Variants in CFAP58 observed in about 807,000 individuals in gnomAD.
CFAP58 encodes the protein cilia- and flagella-associated protein 58.
Under a neutral mutation model 119.5 loss-of-function variants are expected in CFAP58, and 88 were observed. That is an observed-to-expected ratio of 0.74 (90% CI 0.62 to 0.88). The LOEUF is 0.88. Among genes scored for constraint, CFAP58 ranks in the 40% least tolerant of loss-of-function variants. The pLI, the probability that CFAP58 is intolerant of heterozygous loss-of-function variation, is 0.00. For missense variants in CFAP58, 990 were observed against 1,021.2 expected (o/e 0.97, Z 0.42); for synonymous variants, 365 against 366.3 (o/e 1.00, Z 0.04).
intron 6 of CFAP58, among the ~76,000 whole-genome samples, chr10:104,370,067 G>A (rs1374843627): frequency 6.6e-6 from 1 of 152,074 alleles, no homozygotes; most frequent in Non-Finnish European, 1.5e-5. Context: ...TGAGGAAGGA[G>A]GACCCCTTCT....
chr10:104,403,639 A>G, intron 13 of CFAP58, 90 bp from the exon 14 acceptor site: 1 of 735,742 alleles, frequency 1.4e-6, no homozygotes, highest in Non-Finnish European at 2.2e-6. Context: ...CTTTTTATAT[A>G]AGACATAGTG....
At chr10:104,400,563 T>A (rs1481498522) in intron 12 of CFAP58, 117 bp from the exon 13 acceptor site, 1 of 802,058 alleles carries the variant, frequency 1.2e-6, no homozygotes, top group Non-Finnish European at 2.1e-6. Flanking sequence ...GCCCAGCCCA[T>A]GTGGTGCCCA....
At chr10:104,438,858 C>T (rs747725387) in intron 15 of CFAP58, among the ~76,000 whole-genome samples, 64 of 152,084 alleles carry the variant, frequency 4.2e-4, no homozygotes, top group Admixed American at 1.0e-3. Context: ...TGGGAAATAA[C>T]CCAAATACCC....
chr10:104,437,165 C>T (rs773312262), intron 15 of CFAP58, among the ~76,000 whole-genome samples: 1 of 152,192 alleles, frequency 6.6e-6, no homozygotes, highest in African/African-American at 2.4e-5. Context: ...TAACAACAAT[C>T]AGCTCACAGG....
chr10:104,372,827 T>C (rs2014842191), intron 7 of CFAP58, among the ~76,000 whole-genome samples: 1 of 152,254 alleles, frequency 6.6e-6, no homozygotes, highest in South Asian at 2.1e-4. Context: ...ATTCTCTCTC[T>C]TTTGACTACT....
chr10:104,363,392 T>TA (rs1421693030), intron 3 of CFAP58, among the ~76,000 whole-genome samples: 6 of 152,230 alleles, frequency 3.9e-5, no homozygotes, highest in Non-Finnish European at 7.3e-5. Flanking sequence ...TTCAGTTTCT[T>TA]ACGCTTTTTT....
At chr10:104,439,910 T>C (rs374211188) in intron 15 of CFAP58, among the ~76,000 whole-genome samples, 77 of 152,258 alleles carry the variant, frequency 5.1e-4, no homozygotes, top group African/African-American at 1.4e-3. Context: ...AGCTCCGCCT[T>C]CCGGGTTCAC....
At chr10:104,393,767 C>A (rs1033801477) in intron 11 of CFAP58, among the ~76,000 whole-genome samples, 1 of 152,160 alleles carries the variant, frequency 6.6e-6, no homozygotes, top group East Asian at 1.9e-4. Context: ...GGGAGAGAAC[C>A]TAGCAGGTTG....
intron 9 of CFAP58, among the ~76,000 whole-genome samples, chr10:104,380,520 A>G (rs1237131316): frequency 6.6e-6 from 1 of 151,944 alleles, no homozygotes; most frequent in Non-Finnish European, 1.5e-5. Context: ...CTGGGCTGGC[A>G]CCAGGGCTGC....
chr10:104,357,930 TAC>T lies in CFAP58; in HGVS notation c.10-405_10-404del, dbSNP rs764603850. On this transcript the variant is annotated intron_variant, in intron 1 of 17. Transcript: ENST00000369704. ...ATATACACACATATATGTACACATATACACACATATATGTACACATATATACA... is the reference window on the plus strand; with the variant it reads ...ATATACACACATATATGTACACATATACACATATATGTACACATATATACA... 5.6e-3 allele frequency among the ~76,000 whole-genome samples: 665 copies of T among 119,520 alleles called. 31 individuals are homozygous for T. Among genetic ancestry groups the T allele is most frequent in the East Asian group, 0.047 (215 of 4,588 alleles). 78.4% of individuals were successfully genotyped at this position (119,520 alleles called of 152,430 possible).
chr10:104,441,682 C>G (rs1218843419), intron 15 of CFAP58, among the ~76,000 whole-genome samples: 1 of 152,188 alleles, frequency 6.6e-6, no homozygotes, highest in Non-Finnish European at 1.5e-5. Flanking sequence ...TTAGTGCATG[C>G]AAATTTCTCA....
intron 15 of CFAP58, among the ~76,000 whole-genome samples, chr10:104,420,633 A>G (rs941504338): frequency 5.3e-5 from 8 of 152,216 alleles, no homozygotes; most frequent in Non-Finnish European, 8.8e-5. Flanking sequence ...TACTCCTACA[A>G]CTAAAATAAA....
intron 16 of CFAP58, among the ~76,000 whole-genome samples, chr10:104,449,161 GTTT>G (rs35684849): frequency 5.7e-4 from 81 of 142,224 alleles, no homozygotes; most frequent in Non-Finnish European, 1.0e-3. Context: ...ACTGAGACAG[GTTT>G]TTTTTTTTTT....
the CFAP58 span, among the ~76,000 whole-genome samples, chr10:104,342,981 C>T: frequency 1.2e-4 from 18 of 151,800 alleles, no homozygotes; most frequent in Non-Finnish European, 2.6e-4. Flanking sequence ...ATTTCCTGTT[C>T]ACCCCATCTG....
chr10:104,344,005 A>C, the CFAP58 span, among the ~76,000 whole-genome samples: 1 of 152,210 alleles, frequency 6.6e-6, no homozygotes, highest in South Asian at 2.1e-4. Context: ...GGCCTCCCAA[A>C]GTGCTGGGAT....
At chr10:104,342,745 T>C in the CFAP58 span, among the ~76,000 whole-genome samples, 1 of 147,796 alleles carries the variant, frequency 6.8e-6, no homozygotes, top group Non-Finnish European at 1.5e-5. Context: ...CTCTGGAGGC[T>C]GAGGCACGAG....
intron 15 of CFAP58, 78 bp downstream of exon 15, chr10:104,406,871 T>A: frequency 1.8e-6 from 2 of 1,140,050 alleles, no homozygotes; most frequent in Non-Finnish European, 2.6e-6. Flanking sequence ...TAGAATTAGT[T>A]ATTTGGCAGC....
intron 14 of CFAP58, among the ~76,000 whole-genome samples, chr10:104,405,070 T>C (rs2012337003): frequency 6.6e-6 from 1 of 152,220 alleles, no homozygotes; most frequent in Non-Finnish European, 1.5e-5. Flanking sequence ...CCATTTTTAT[T>C]TTTTCCTTTT....
At position 104,380,040 on chromosome 10, in the gene CFAP58, G is replaced by T. The variant is rs945498320; in HGVS notation, c.1185G>T (p.Lys395Asn). ...GCCCTTATTTTTAGAACATGCTTAA[G>T]GCGGTCAATGCGACCCAGAAGCAGA... is the stretch of plus-strand genomic sequence containing the variant. The part of the protein sequence containing the change: ...ERDILNKNML[K>N]AVNATQKQTD... The change falls in exon 9 of 18, where the codon AAG (lysine) becomes AAT (asparagine). Residue 395 changes from lysine (K) to asparagine (N), a missense_variant. Physicochemically the swap from Lys to Asn is moderately conservative, Grantham distance 94. Transcript: ENST00000369704. The T allele has an allele frequency of 5.0e-6, 8 of 1,613,708 alleles. No homozygotes were observed. The East Asian group carries it at 1.6e-4, about 31-fold the overall frequency.
Sources: gnomAD v4.1 joint callset for allele counts (sites outside exome capture counted in the v4.1 genomes callset) on GRCh38, gnomAD v4.1.1 for gene constraint, MANE v1.5 for transcripts, NCBI Gene and HGNC (gene_info 2026-07-23, HGNC 2026-07-21) for gene names.